Variants in LOXHD1 observed in about 807,000 individuals in gnomAD.
LOXHD1 encodes the protein lipoxygenase homology PLAT domains 1, also known as lipoxygenase homology domain-containing protein 1.
In LOXHD1, 205 loss-of-function variants were observed where a neutral mutation model predicts 248.2. The observed-to-expected ratio is 0.83, with a 90% confidence interval of 0.74 to 0.93. The LOEUF (loss-of-function observed/expected upper bound fraction) is 0.93, where lower values mean the gene tolerates loss of function less well. Ranked by LOEUF, LOXHD1 falls within the 40% of genes least tolerant of loss-of-function variation. The pLI is 0.00. For missense variants in LOXHD1, 2,930 were observed against 2,971.6 expected, an observed-to-expected ratio of 0.99 and a Z score of 0.33; for synonymous variants, 1,113 against 1,162.8, an observed-to-expected ratio of 0.96 and a Z score of 0.87.
chr18:46,545,907 G>T (rs2036799146), intron 22 of LOXHD1, among the ~76,000 whole-genome samples: 1 of 150,698 alleles, frequency 6.6e-6, no homozygotes, highest in African/African-American at 2.4e-5. Flanking sequence ...GGGATTACAG[G>T]CGTGAGCCAC....
At chr18:46,585,794 G>A (rs2038048389) in intron 12 of LOXHD1, among the ~76,000 whole-genome samples, 1 of 152,136 alleles carries the variant, frequency 6.6e-6, no homozygotes, top group Non-Finnish European at 1.5e-5. Context: ...TAGAAAAATT[G>A]GAACTCTCAC....
At chr18:46,593,864 G>T in intron 9 of LOXHD1, 104 bp from the exon 10 acceptor site, 1 of 1,243,476 alleles carries the variant, frequency 8.0e-7, no homozygotes, top group East Asian at 2.5e-5. Context: ...ACTGAAGGGC[G>T]GGGTATACAC....
At chr18:46,530,733 G>C (rs1420717541) in intron 28 of LOXHD1, among the ~76,000 whole-genome samples, 1 of 152,146 alleles carries the variant, frequency 6.6e-6, no homozygotes, top group East Asian at 1.9e-4. Flanking sequence ...ACCCACAGCA[G>C]GGTTCCCATG....
At chr18:46,479,672 G>C (rs940696868) in intron 40 of LOXHD1, among the ~76,000 whole-genome samples, 2 of 151,662 alleles carry the variant, frequency 1.3e-5, no homozygotes, top group African/African-American at 4.9e-5. Context: ...AAGCTGTCTT[G>C]GTGCTGGCTA....
At chr18:46,516,263 G>T (rs1406175529) in intron 34 of LOXHD1, among the ~76,000 whole-genome samples, 1 of 152,078 alleles carries the variant, frequency 6.6e-6, no homozygotes, top group Non-Finnish European at 1.5e-5. Flanking sequence ...GTGATAAGAG[G>T]GGTGTTGTGA....
chr18:46,566,919 AC>A (rs1311059460), intron 16 of LOXHD1, among the ~76,000 whole-genome samples: 1 of 152,058 alleles, frequency 6.6e-6, no homozygotes, highest in Non-Finnish European at 1.5e-5. Flanking sequence ...ACAGAATATC[AC>A]CCATCCTGAA....
intron 12 of LOXHD1, 51 bp from the exon 13 acceptor site, chr18:46,579,835 C>T (rs559943557): frequency 1.3e-6 from 2 of 1,521,228 alleles, no homozygotes; most frequent in East Asian, 2.5e-5. Flanking sequence ...TGCTTCCCAT[C>T]CCTAGCCCTG....
At position 46,533,227 on chromosome 18, in the gene LOXHD1, G is replaced by C; in HGVS notation, c.4310C>G (p.Thr1437Ser). 6.4e-7 allele frequency: 1 copy of C among 1,551,762 alleles called. No individual in the cohort carries two copies. Among genetic ancestry groups the C allele is most frequent in the South Asian group, 1.2e-5 (1 of 84,058 alleles). ...GGACCCATCTTTCATGTATTTCTCA[G>C]TGAAGATGTCATATGGAACCAGTTC... ...IRELVPYDIF[T>S]EKYMKDGSLR... Residue 1437 changes from threonine (T) to serine (S), a missense_variant, in exon 28 of 41, where the codon ACT becomes AGT. Thr to Ser is a moderately conservative substitution (Grantham distance 58). Transcript: ENST00000642948.
chr18:46,522,385 G>T, intron 31 of LOXHD1, 76 bp from the exon 32 acceptor site: 1 of 1,273,794 alleles, frequency 7.9e-7, no homozygotes, highest in Non-Finnish European at 1.1e-6. Context: ...CACAGATTTG[G>T]AAGTGACCTC....
chr18:46,628,090 G>A (rs910144154), intron 4 of LOXHD1, among the ~76,000 whole-genome samples: 1 of 152,222 alleles, frequency 6.6e-6, no homozygotes, highest in Non-Finnish European at 1.5e-5. Flanking sequence ...AAAAGCCCAA[G>A]ACTGCAGCTC....
chr18:46,611,652 G>T (rs1016709535), intron 5 of LOXHD1, among the ~76,000 whole-genome samples: 2 of 151,904 alleles, frequency 1.3e-5, no homozygotes, highest in Non-Finnish European at 2.9e-5. Context: ...ATTTTAGGTT[G>T]TGACAGTTCA....
In LOXHD1 at chr18:46,577,722, T is replaced by C; in HGVS notation, c.1955A>G (p.Glu652Gly). The change falls in exon 14 of 41, where the codon GAG becomes GGG. Residue 652 changes from glutamate to glycine, a missense_variant. Glu to Gly is a moderately conservative substitution (Grantham distance 98). Transcript: ENST00000642948. ...EEGQPESDNV[E>G]FPCLRWLDKD... ...ACGCATGTACCTGAGACATGGGAAC[T>C]CCACGTTGTCGCTCTCAGGCTGCCC... 1 of 1,551,354 alleles carries C rather than the reference T, an allele frequency of 6.4e-7. No homozygotes were observed. Among genetic ancestry groups the C allele is most frequent in the African/African-American group, 1.4e-5 (1 of 73,162 alleles).
At position 46,559,509 on chromosome 18, in the gene LOXHD1, C is replaced by G; in HGVS notation, c.3155G>C (p.Gly1052Ala). ...VYLTIYGEEYGDTGERPLKKS... is the reference protein window; with the variant it reads ...VYLTIYGEEYADTGERPLKKS... ...CTTCAGGGGTCGTTCGCCCGTGTCTCCATACTCCTCGCCGTAGATGGTTAG... is the reference window on the plus strand; with the variant it reads ...CTTCAGGGGTCGTTCGCCCGTGTCTGCATACTCCTCGCCGTAGATGGTTAG... The change falls in exon 20 of 41, where the codon GGA becomes GCA. Residue 1052 changes from glycine to alanine, a missense_variant. Gly to Ala is a moderately conservative substitution (Grantham distance 60, BLOSUM62 0). Transcript: ENST00000642948. 1 of 1,552,096 alleles carries G rather than the reference C, an allele frequency of 6.4e-7. No individual in the cohort carries two copies. The highest frequency in any genetic ancestry group is 8.7e-7 in the Non-Finnish European group (1 of 1,147,088).
chr18:46,597,697 C>T (rs967383365), intron 8 of LOXHD1, among the ~76,000 whole-genome samples: 2 of 152,074 alleles, frequency 1.3e-5, no homozygotes, highest in Non-Finnish European at 2.9e-5. Flanking sequence ...AAATCATAAC[C>T]AATCGACAAC....
At chr18:46,516,649 A>G (rs1361453615) in intron 34 of LOXHD1, among the ~76,000 whole-genome samples, 1 of 151,872 alleles carries the variant, frequency 6.6e-6, no homozygotes, top group East Asian at 1.9e-4. Flanking sequence ...CACCATCATA[A>G]TCATCATCAT....
At chr18:46,479,864 C>T (rs768277353) in intron 40 of LOXHD1, among the ~76,000 whole-genome samples, 4 of 151,950 alleles carry the variant, frequency 2.6e-5, no homozygotes, top group Non-Finnish European at 4.4e-5. Context: ...CACAACAACC[C>T]TGGGCATCAT....
chr18:46,628,229 C>A (rs2038771537), intron 4 of LOXHD1, among the ~76,000 whole-genome samples: 1 of 152,198 alleles, frequency 6.6e-6, no homozygotes, highest in Non-Finnish European at 1.5e-5. Flanking sequence ...TGATGTGCCA[C>A]AACAGGGCCT....
At chr18:46,481,278 T>A (rs1227059055) in intron 40 of LOXHD1, among the ~76,000 whole-genome samples, 1 of 151,704 alleles carries the variant, frequency 6.6e-6, no homozygotes, top group Non-Finnish European at 1.5e-5. Context: ...TGGACGAAGG[T>A]GGTATTTCTG....
Position 46,649,284 on chromosome 18 carries a change from G to A in LOXHD1, c.131-15C>T. 1.3e-6 allele frequency: 2 copies of A among 1,542,846 alleles called. No individual in the cohort carries two copies. The highest frequency in any genetic ancestry group is 1.8e-6 in the Non-Finnish European group (2 of 1,139,194). ...CACTTCATACACTGGAGGAGGAGAG[G>A]AGGAGACAGATTGCAGGCTCAGAAA... On this transcript the variant is annotated splice_polypyrimidine_tract_variant and intron_variant, in intron 1 of 40. Transcript: ENST00000642948.
Sources: allele counts gnomAD v4.1 joint callset (sites outside exome capture counted in the v4.1 genomes callset), GRCh38; gene constraint gnomAD v4.1.1; transcripts MANE v1.5; gene names NCBI Gene and HGNC (gene_info 2026-07-23, HGNC 2026-07-21).